PITPNM3: variants seen among roughly 807,000 people sequenced by gnomAD.
PITPNM3 encodes the protein PITPNM family member 3, also known as membrane-associated phosphatidylinositol transfer protein 3.
Under a neutral mutation model 102.0 loss-of-function variants are expected in PITPNM3, and 26 were observed. That is an observed-to-expected ratio of 0.25 (90% confidence interval 0.19 to 0.35). PITPNM3 has a LOEUF of 0.35. PITPNM3 is among the 10% of genes least tolerant of loss of function. PITPNM3 has a pLI of 1.00. For synonymous variants in PITPNM3, 578 were observed against 558.6 expected, an observed-to-expected ratio of 1.03 and a Z score of -0.49; for missense variants, 1,083 against 1,346.1, an observed-to-expected ratio of 0.80 and a Z score of 3.06.
chr17:6,514,097 T>C (rs1001403262), intron 3 of PITPNM3, among the ~76,000 whole-genome samples: 7 of 152,116 alleles, frequency 4.6e-5, no homozygotes, highest in African/African-American at 1.7e-4. Context: ...GCTCACACCA[T>C]ACACAAAAAT....
intron 1 of PITPNM3, 61 bp from the exon 2 acceptor site, chr17:6,538,143 G>T: frequency 1.6e-6 from 2 of 1,267,754 alleles, no homozygotes; most frequent in South Asian, 1.2e-5. Flanking sequence ...TGAGGGAGGT[G>T]ACCCAAGACC....
intron 1 of PITPNM3, among the ~76,000 whole-genome samples, chr17:6,545,368 C>T (rs1044234507): frequency 2.2e-4 from 33 of 152,168 alleles, no homozygotes; most frequent in Non-Finnish European, 3.8e-4. Flanking sequence ...CCCTCTCCTT[C>T]TTCTCGGGCC....
intron 6 of PITPNM3, chr17:6,480,403 A>G (rs1454577501): frequency 6.6e-6 from 1 of 152,270 alleles, no homozygotes; most frequent in Admixed American, 6.5e-5. Context: ...GCTCCAGGGC[A>G]GGGGACTTTG....
In PITPNM3 at chr17:6,537,290, GCT is replaced by G. The variant is rs1909493376; in HGVS notation, c.118+695_118+696del. ...TTTTTTTTTTCTGAGACAGAGTATC[GCT>G]CTGTCTGCAGTGCCATCTCGGCTCA... On this transcript the variant is annotated intron_variant, in intron 2 of 19. Coordinates refer to ENST00000262483, the MANE Select transcript of PITPNM3 (RefSeq NM_031220.4). This position sits in a 1 kb window ranked among gnomAD's most constrained non-coding sequence, Gnocchi z 4.4. Among the ~76,000 whole-genome samples, 3 of 131,404 alleles carry G rather than the reference GCT, an allele frequency of 2.3e-5. No individual in the cohort carries two copies. The Middle Eastern group carries it at 0.013, about 576-fold the overall frequency. The allele number at this position is 131,404 out of a possible 152,430, so 86.2% of individuals were successfully genotyped here.
chr17:6,536,296 T>C (rs942538039), intron 2 of PITPNM3, among the ~76,000 whole-genome samples: 11 of 152,158 alleles, frequency 7.2e-5, no homozygotes, highest in African/African-American at 2.4e-4. Flanking sequence ...GGGATAGAGC[T>C]GACCCTCGCG....
chr17:6,471,426 C>T (rs1597368022), intron 11 of PITPNM3, 71 bp from the exon 12 acceptor site: 1 of 1,378,120 alleles, frequency 7.3e-7, no homozygotes, highest in South Asian at 1.4e-5. Context: ...GTGCCAGCCC[C>T]ATGCTGGGAG....
rs981491496 is a variant in PITPNM3 at position 6,478,871 on chromosome 17, G to A, written c.588-135C>T. The A allele has an allele frequency of 2.4e-6, 2 of 835,512 alleles. No homozygotes were observed. Among genetic ancestry groups the A allele is most frequent in the Non-Finnish European group, 3.7e-6 (2 of 546,878 alleles). 51.8% of individuals were successfully genotyped at this position (835,512 alleles called of 1,614,324 possible). On this transcript the variant is annotated intron_variant, in intron 6 of 19. Transcript: ENST00000262483. The surrounding 1 kb of genome is among the most constrained non-coding windows in gnomAD (Gnocchi z 4.4). ...GGGACCCTTCAGGAAGACCCAGGCA[G>A]GAGCCTGGTGACACAGAGCACAGGC...
intron 4 of PITPNM3, among the ~76,000 whole-genome samples, chr17:6,498,477 T>G (rs1597385884): frequency 1.3e-5 from 2 of 152,198 alleles, no homozygotes; most frequent in South Asian, 4.1e-4. Context: ...CAGCCTTTCC[T>G]CCTCCAAAGG....
At chr17:6,476,860 G>A (rs1166602413) in intron 9 of PITPNM3, among the ~76,000 whole-genome samples, 169 bp downstream of exon 9, 3 of 152,216 alleles carry the variant, frequency 2.0e-5, no homozygotes, top group South Asian at 2.1e-4. Context: ...GGCTGCCGAC[G>A]AGTGGCTGTG....
chr17:6,540,300 A>G (rs1472087051), intron 1 of PITPNM3, among the ~76,000 whole-genome samples: 1 of 152,210 alleles, frequency 6.6e-6, no homozygotes, highest in Non-Finnish European at 1.5e-5. Flanking sequence ...CAGGCGGGGA[A>G]GGAAAAGCCA....
chr17:6,505,546 G>A (rs1183942694), intron 3 of PITPNM3, among the ~76,000 whole-genome samples: 4 of 152,214 alleles, frequency 2.6e-5, no homozygotes. Flanking sequence ...TGCAACAGCA[G>A]CACAGATGTG....
In PITPNM3 at chr17:6,474,993, C is replaced by T. The variant is rs181346297; in HGVS notation, c.1086-389G>A. On this transcript the variant is annotated intron_variant, in intron 9 of 19. Transcript: ENST00000262483. The stretch of plus-strand genomic sequence containing the variant: ...ACAAAAACAGGCTGAGCACCTGGGG[C>T]GCCTGAGCATCCTACACACTGGCAG... Among the ~76,000 whole-genome samples, 383 of 152,274 alleles carry T rather than the reference C, an allele frequency of 2.5e-3. 8 individuals carry two copies. Among genetic ancestry groups the T allele is most frequent in the Non-Finnish European group, 4.7e-4 (32 of 68,028 alleles).
intron 9 of PITPNM3, 128 bp downstream of exon 9, chr17:6,476,901 C>G (rs1453099689): frequency 1.7e-6 from 2 of 1,180,878 alleles, no homozygotes; most frequent in Non-Finnish European, 2.4e-6. Context: ...TGGCGAGTGG[C>G]CTTGGTCCCA....
chr17:6,483,797 G>A (rs1415997528), intron 5 of PITPNM3, 45 bp from the exon 6 acceptor site: 1 of 1,554,100 alleles, frequency 6.4e-7, no homozygotes, highest in Non-Finnish European at 8.8e-7. Context: ...GGCGGCTGGG[G>A]TCGGGGGAGG....
chr17:6,548,672 C>A (rs570546971), intron 1 of PITPNM3, among the ~76,000 whole-genome samples: 1 of 152,248 alleles, frequency 6.6e-6, no homozygotes, highest in African/African-American at 2.4e-5. Context: ...CAAGTGAAAG[C>A]CTTCCAGCTG....
Position 6,455,168 on chromosome 17 carries a change from G to T in PITPNM3, c.*170C>A. 1.2e-6 allele frequency: 1 copy of T among 855,836 alleles called. No homozygotes were observed. 53.0% of individuals were successfully genotyped at this position (855,836 alleles called of 1,614,324 possible). ...ACCTCACCCCGTCGCAGCTCAGGGA[G>T]CCCCCCGGGCTCGGGCAGGATCCCT... On this transcript the variant is annotated 3_prime_UTR_variant, in exon 20 of 20. Transcript: ENST00000262483.
intron 3 of PITPNM3, among the ~76,000 whole-genome samples, chr17:6,522,948 G>A (rs1209271823): frequency 2.0e-5 from 3 of 152,068 alleles, no homozygotes; most frequent in African/African-American, 4.8e-5. Flanking sequence ...CCCTGTGATG[G>A]CTCCATAAAT....
At position 6,464,444 on chromosome 17, in the gene PITPNM3, GCTC is replaced by G. The variant is rs1471163642; in HGVS notation, c.2008-129_2008-127del. 5 of 1,177,630 alleles carry G rather than the reference GCTC, an allele frequency of 4.2e-6. No individual in the cohort carries two copies. The East Asian group carries it at 7.4e-5, about 17-fold the overall frequency. The allele number at this position is 1,177,630 out of a possible 1,614,324, so 72.9% of individuals were successfully genotyped here. ...ACATTCCCTGGCTCCTGCCAGCCTG[GCTC>G]CTCATTTGTCCTTGGATACTCTGAG... On this transcript the variant is annotated intron_variant, in intron 15 of 19. Transcript: ENST00000262483.
chr17:6,508,623 T>C (rs1211412168), intron 3 of PITPNM3, among the ~76,000 whole-genome samples: 1 of 152,000 alleles, frequency 6.6e-6, no homozygotes, highest in Non-Finnish European at 1.5e-5. Flanking sequence ...GAAGGGGACA[T>C]TTGCAAGGGG....
Sources: gnomAD v4.1 joint callset for allele counts (sites outside exome capture counted in the v4.1 genomes callset) on GRCh38, gnomAD v4.1.1 for gene constraint, Gnocchi (gnomAD v3.1) non-coding constraint, MANE v1.5 for transcripts, NCBI Gene and HGNC (gene_info 2026-07-23, HGNC 2026-07-21) for gene names.